The following SPATA16 variants were observed in gnomAD, a reference collection of about 807,000 sequenced individuals.
SPATA16 encodes spermatogenesis-associated protein 16.
Under a neutral mutation model 63.3 loss-of-function variants are expected in SPATA16, and 36 were observed. That is an observed-to-expected ratio of 0.57 (90% CI 0.44 to 0.75). The LOEUF (loss-of-function observed/expected upper bound fraction) is 0.75. Ranked by LOEUF, SPATA16 falls within the 30% of genes least tolerant of loss-of-function variation. SPATA16 has a pLI of 0.00. For missense variants in SPATA16, 646 were observed against 679.3 expected (o/e 0.95, Z 0.54); for synonymous variants, 203 against 216.7 (o/e 0.94, Z 0.56).
At chr3:172,966,545 G>A (rs1270699512) in intron 5 of SPATA16, among the ~76,000 whole-genome samples, 3 of 152,052 alleles carry the variant, frequency 2.0e-5, no homozygotes, top group Admixed American at 1.3e-4. Flanking sequence ...TGAGAAAAAC[G>A]AAATCATGCC....
chr3:173,017,947 CAT>C lies in SPATA16; in HGVS notation c.848+1537_848+1538del, dbSNP rs779544939. Among the ~76,000 whole-genome samples the C allele has an allele frequency of 1.4e-3, 220 of 152,258 alleles. 1 individual carries two copies. The highest frequency in any genetic ancestry group is 3.7e-3 in the African/African-American group (153 of 41,544). ...CTCTCTCATTCATACTGCGAGGAAA[CAT>C]GTGTGGTCAGAAAGTGAGCCACAGA... On this transcript the variant is annotated intron_variant, in intron 4 of 10. Transcript: ENST00000351008.
At chr3:173,140,288 A>T (rs1738674054) in intron 1 of SPATA16, among the ~76,000 whole-genome samples, 1 of 152,212 alleles carries the variant, frequency 6.6e-6, no homozygotes, top group Non-Finnish European at 1.5e-5. Context: ...CTTACTAAAA[A>T]TGGTAAACAC....
intron 2 of SPATA16, among the ~76,000 whole-genome samples, chr3:173,054,098 A>C (rs1486703227): frequency 6.6e-6 from 1 of 151,956 alleles, no homozygotes; most frequent in South Asian, 2.1e-4. Flanking sequence ...TTATATTATT[A>C]CATGTTACAA....
In SPATA16 at chr3:173,042,626, A is replaced by G. The variant is rs558608695; in HGVS notation, c.758+6323T>C. 2.1e-3 allele frequency among the ~76,000 whole-genome samples: 313 copies of G among 152,324 alleles called. 1 individual carries two copies. Among genetic ancestry groups the G allele is most frequent in the African/African-American group, 7.3e-3 (302 of 41,580 alleles). ...GATTACAATAAAACACAAACCTGAT[A>G]TATTTTGATATTCAGGGATGCTTTT... is the stretch of plus-strand genomic sequence containing the variant. On this transcript the variant is annotated intron_variant, in intron 3 of 10. Transcript: ENST00000351008.
rs768917592 is a variant in SPATA16, at chr3:172,889,737, T to G, written c.1588-45A>C. The G allele has an allele frequency of 2.5e-6, 4 of 1,607,104 alleles. No homozygotes were observed. The South Asian group carries it at 4.4e-5, about 18-fold the overall frequency. On this transcript the variant is annotated intron_variant, in intron 10 of 10. Coordinates refer to ENST00000351008, the MANE Select transcript of SPATA16 (RefSeq NM_031955.6). The stretch of plus-strand genomic sequence containing the variant: ...GCAACAAGATTTGTTGTTGTTTTCC[T>G]GGGTTTTGTATACTTATAAAAACGG...
At chr3:173,034,189 A>G (rs528513845) in intron 3 of SPATA16, among the ~76,000 whole-genome samples, 1 of 152,300 alleles carries the variant, frequency 6.6e-6, no homozygotes, top group Non-Finnish European at 1.5e-5. Flanking sequence ...TAATATTTTG[A>G]GTAGCCTTAT....
intron 5 of SPATA16, among the ~76,000 whole-genome samples, chr3:172,963,777 A>G (rs1424497444): frequency 2.0e-5 from 3 of 152,176 alleles, no homozygotes; most frequent in Admixed American, 6.5e-5. Context: ...TATAATCACT[A>G]AACTTTATAA....
chr3:173,068,523 T>C (rs919645819), intron 2 of SPATA16, among the ~76,000 whole-genome samples: 1 of 151,690 alleles, frequency 6.6e-6, no homozygotes. Context: ...AAGCAAGAAG[T>C]TAAAATATAC....
chr3:173,067,047 A>G (rs907962108), intron 2 of SPATA16, among the ~76,000 whole-genome samples: 1 of 152,134 alleles, frequency 6.6e-6, no homozygotes, highest in Admixed American at 6.5e-5. Context: ...ATTTCTCAAT[A>G]CCAAAATTGA....
At chr3:173,097,707 A>C (rs568977313) in intron 2 of SPATA16, among the ~76,000 whole-genome samples, 2 of 152,214 alleles carry the variant, frequency 1.3e-5, no homozygotes, top group Non-Finnish European at 2.9e-5. Flanking sequence ...ACACAGATTC[A>C]GGAATATGTT....
Sources: gnomAD v4.1 joint callset for allele counts (sites outside exome capture counted in the v4.1 genomes callset) on GRCh38, gnomAD v4.1.1 for gene constraint, MANE v1.5 for transcripts, NCBI Gene and HGNC (gene_info 2026-07-23, HGNC 2026-07-21) for gene names.